The following RAB4A variants were observed in gnomAD, a reference collection of about 807,000 sequenced individuals.
RAB4A encodes ras-related protein Rab-4A.
A neutral mutation model predicts 34.5 loss-of-function variants in RAB4A; 20 were observed. The observed-to-expected ratio is 0.58, with a 90% CI of 0.41 to 0.84. The LOEUF is 0.84. RAB4A is among the 40% of genes least tolerant of loss of function. RAB4A has a pLI of 0.00. For synonymous variants in RAB4A, 102 were observed against 100.0 expected, an observed-to-expected ratio of 1.02 and a Z score of -0.12; for missense variants, 228 against 274.5, an observed-to-expected ratio of 0.83 and a Z score of 1.20.
chr1:229,271,394 C>T (rs1656468328), intron 1 of RAB4A, 24 bp downstream of exon 1: 1 of 1,217,704 alleles, frequency 8.2e-7, no homozygotes, highest in African/African-American at 1.6e-5. Context: ...GCTGGCGGGG[C>T]GCGCGGGTCG....
At chr1:229,271,431 GGC>G (rs1656470902) in intron 1 of RAB4A, 61 bp downstream of exon 1, 1 of 1,175,128 alleles carries the variant, frequency 8.5e-7, no homozygotes, top group Non-Finnish European at 1.1e-6. Context: ...GGTGGCGCGG[GGC>G]CGGGCCTGGG....
intron 1 of RAB4A, among the ~76,000 whole-genome samples, chr1:229,271,989 C>A (rs1413131199): frequency 1.3e-5 from 2 of 152,156 alleles, no homozygotes; most frequent in East Asian, 3.9e-4. Flanking sequence ...CTTCTTAAGA[C>A]CGTAAGCACC....
At chr1:229,278,436 T>C (rs1271013776) in intron 1 of RAB4A, among the ~76,000 whole-genome samples, 3 of 152,190 alleles carry the variant, frequency 2.0e-5, no homozygotes, top group Non-Finnish European at 4.4e-5. Flanking sequence ...CATCAGCTAT[T>C]TTAAACCTTC....
chr1:229,302,269 ATATATATATATATATATATATATAT>A (rs1558242106), intron 6 of RAB4A, among the ~76,000 whole-genome samples: 1 of 10,068 alleles, frequency 9.9e-5, no homozygotes, highest in Non-Finnish European at 1.9e-4. Context: ...ATATATATAT[ATATATATATATATATATATATATAT>A]ATATATATAT....
chr1:229,302,802 AT>A, intron 6 of RAB4A, 59 bp from the exon 7 acceptor site: 1 of 1,163,152 alleles, frequency 8.6e-7, no homozygotes, highest in Non-Finnish European at 1.2e-6. Context: ...TTTTTAATCT[AT>A]TTTTGGAATC....
At chr1:229,284,108 T>G (rs1393964959) in intron 1 of RAB4A, among the ~76,000 whole-genome samples, 44 of 142,770 alleles carry the variant, frequency 3.1e-4, no homozygotes, top group South Asian at 9.0e-4. Flanking sequence ...TTTTTTTTTT[T>G]TTTTTTTTTT....
chr1:229,305,180 G>C lies in RAB4A; in HGVS notation c.*1387G>C. 1 of 1,604,746 alleles carries C rather than the reference G, an allele frequency of 6.2e-7. No individual in the cohort carries two copies. ...AGTATGTATCTGTTTTAGATATTTT[G>C]AGTTTTGCTTTTTTTATGCCTTGAA... On this transcript the variant is annotated 3_prime_UTR_variant, in exon 8 of 8. Coordinates refer to ENST00000366690, the MANE Select transcript of RAB4A (RefSeq NM_004578.4).
At chr1:229,300,542 G>A (rs1316676764) in intron 6 of RAB4A, among the ~76,000 whole-genome samples, 3 of 152,328 alleles carry the variant, frequency 2.0e-5, no homozygotes, top group Admixed American at 2.0e-4. Context: ...GGGACAAGGT[G>A]AGGAGGAAGG....
At chr1:229,297,727 A>C in intron 5 of RAB4A, 91 bp downstream of exon 5, 33 of 1,295,942 alleles carry the variant, frequency 2.5e-5, no homozygotes, top group Non-Finnish European at 3.4e-5. Context: ...TTGGAATTTC[A>C]AGATTAAACT....
At chr1:229,302,210 G>A in intron 6 of RAB4A, among the ~76,000 whole-genome samples, 1 of 131,454 alleles carries the variant, frequency 7.6e-6, no homozygotes, top group Non-Finnish European at 1.6e-5. Flanking sequence ...TGGACATTTG[G>A]GTTGTTGCCA....
At chr1:229,276,807 A>G (rs1200682954) in intron 1 of RAB4A, among the ~76,000 whole-genome samples, 1 of 150,832 alleles carries the variant, frequency 6.6e-6, no homozygotes, top group Non-Finnish European at 1.5e-5. Context: ...TTTCATTCCA[A>G]AGTTCTTCGT....
In RAB4A at chr1:229,302,887, C is replaced by T; in HGVS notation, c.567C>T (p.Gly189=). 6.2e-7 allele frequency: 1 copy of T among 1,613,370 alleles called. No individual in the cohort carries two copies. The highest frequency in any genetic ancestry group is 8.5e-7 in the Non-Finnish European group (1 of 1,179,744). Residue 189 remains glycine (G), a synonymous_variant, in exon 7 of 8, where the codon GGC becomes GGT. Coordinates refer to ENST00000366690, the MANE Select transcript of RAB4A (RefSeq NM_004578.4). ...ESGELDPERM[G]SGIQYGDAAL... ...GTGAGCTGGACCCAGAAAGAATGGGCTCAGGTATTCAGTACGGAGATGCTG... is the reference window on the plus strand; with the variant it reads ...GTGAGCTGGACCCAGAAAGAATGGGTTCAGGTATTCAGTACGGAGATGCTG...
intron 1 of RAB4A, among the ~76,000 whole-genome samples, chr1:229,278,053 CG>C (rs1224486194): frequency 2.6e-5 from 4 of 152,020 alleles, no homozygotes; most frequent in Admixed American, 1.3e-4. Flanking sequence ...TTAGTAGAGA[CG>C]GGGTTTCACC....
intron 6 of RAB4A, among the ~76,000 whole-genome samples, chr1:229,300,105 A>G (rs1447178602): frequency 6.6e-6 from 1 of 152,232 alleles, no homozygotes; most frequent in Non-Finnish European, 1.5e-5. Flanking sequence ...AGACACTGAG[A>G]TGCATTAAAA....
rs551384041 is a variant in RAB4A, at chr1:229,272,638, C to T, written c.31+1268C>T. On this transcript the variant is annotated intron_variant, in intron 1 of 7. Coordinates refer to ENST00000366690, the MANE Select transcript of RAB4A (RefSeq NM_004578.4). Reference sequence around the variant, plus strand: ...CAGGCAGCACGCAGAACATCTCAGGCCTGTGGGAAGGGTAACTCAAGAAGG... The same window carrying T: ...CAGGCAGCACGCAGAACATCTCAGGTCTGTGGGAAGGGTAACTCAAGAAGG... 2.6e-5 allele frequency among the ~76,000 whole-genome samples: 4 copies of T among 152,210 alleles called. No homozygotes were observed. The East Asian group carries it at 7.7e-4, about 29-fold the overall frequency.
At position 229,302,970 on chromosome 1, in the gene RAB4A, G is replaced by C; in HGVS notation, c.650G>C (p.Gly217Ala). 1 of 1,613,500 alleles carries C rather than the reference G, an allele frequency of 6.2e-7. No individual in the cohort carries two copies. The highest frequency in any genetic ancestry group is 8.5e-7 in the Non-Finnish European group (1 of 1,179,582). ...RAQAPNAQEC[G>A]C Reference sequence around the variant, plus strand: ...CAGGCCCCGAACGCTCAGGAGTGTGGTTGTTAGGAGAGCACACAGGTGGGT... The same window carrying C: ...CAGGCCCCGAACGCTCAGGAGTGTGCTTGTTAGGAGAGCACACAGGTGGGT... Residue 217 changes from glycine (G) to alanine (A), a missense_variant, in exon 7 of 8, where the codon GGT becomes GCT. Physicochemically the swap from Gly to Ala is moderately conservative, Grantham distance 60. Transcript: ENST00000366690.
chr1:229,297,612 G>A lies in RAB4A; in HGVS notation c.421G>A (p.Ala141Thr), dbSNP rs747062264. 1.5e-5 allele frequency: 24 copies of A among 1,604,228 alleles called. No homozygotes were observed. The East Asian group carries it at 5.4e-4, about 36-fold the overall frequency. ...DADREVTFLE[A>T]SRFAQENELM... ...AGATCGTGAAGTTACCTTCTTAGAA[G>A]CCTCCAGATTTGCTCAAGAAAATGG... The change falls in exon 5 of 8, where the codon GCC becomes ACC. Residue 141 changes from alanine (A) to threonine (T), a missense_variant. Coordinates refer to ENST00000366690, the MANE Select transcript of RAB4A (RefSeq NM_004578.4).
intron 1 of RAB4A, among the ~76,000 whole-genome samples, chr1:229,283,533 A>C (rs1026826676): frequency 4.0e-4 from 61 of 152,108 alleles, no homozygotes; most frequent in African/African-American, 1.5e-3. Flanking sequence ...TACAGAGAGC[A>C]GGCTTTTGCT....
chr1:229,280,965 C>G (rs561117086), intron 1 of RAB4A, among the ~76,000 whole-genome samples: 1 of 152,120 alleles, frequency 6.6e-6, no homozygotes, highest in Non-Finnish European at 1.5e-5. Flanking sequence ...CAGTTTAATC[C>G]TTGTTATTTC....
Sources: allele counts gnomAD v4.1 joint callset (sites outside exome capture counted in the v4.1 genomes callset), GRCh38; gene constraint gnomAD v4.1.1; transcripts MANE v1.5; gene names NCBI Gene and HGNC (gene_info 2026-07-23, HGNC 2026-07-21).